PIR: variants seen among roughly 807,000 people sequenced by gnomAD.
PIR encodes pirin.
In PIR, 22 loss-of-function variants were observed where a neutral mutation model predicts 24.2. The ratio of observed to expected loss-of-function variants is 0.91; its 90% confidence interval spans 0.65 to 1.30. PIR has a LOEUF of 1.30. PIR is among the 50% of genes most tolerant of loss of function. The probability of loss-of-function intolerance (pLI) is 0.00; values close to 1 mark genes in which losing one functional copy is unlikely to be tolerated. For missense variants in PIR, 220 were observed against 220.3 expected (o/e 1.00, Z 0.01); for synonymous variants, 80 against 79.6 (o/e 1.00, Z -0.03).
chrX:15,409,590 T>C (rs1030828017), intron 6 of PIR, among the ~76,000 whole-genome samples: 1 of 111,356 alleles, frequency 9.0e-6, no homozygotes, highest in Non-Finnish European at 1.9e-5. Context: ...TCCCATGTCT[T>C]ATCTGGATGG....
intron 8 of PIR, among the ~76,000 whole-genome samples, chrX:15,396,083 G>T (rs1924124378): frequency 8.9e-6 from 1 of 112,272 alleles, no homozygotes; most frequent in African/African-American, 3.2e-5. Context: ...AGTTAAACCA[G>T]ATAATGTTAC....
At chrX:15,445,292 C>T (rs1926049902) in intron 5 of PIR, among the ~76,000 whole-genome samples, 1 of 111,440 alleles carries the variant, frequency 9.0e-6, no homozygotes, top group Admixed American at 9.5e-5. Flanking sequence ...TTATGACCAT[C>T]ATGGTTTCCT....
At chrX:15,411,387 TC>T in intron 6 of PIR, among the ~76,000 whole-genome samples, 1 of 111,864 alleles carries the variant, frequency 8.9e-6, no homozygotes, top group South Asian at 3.8e-4. Context: ...CTTGCAAACG[TC>T]CCTAGTGAGA....
At chrX:15,434,523 A>G (rs1925684462) in intron 5 of PIR, among the ~76,000 whole-genome samples, 1 of 110,530 alleles carries the variant, frequency 9.0e-6, no homozygotes, top group Non-Finnish European at 1.9e-5. Context: ...GCCACATGGA[A>G]GTCAGTGGTG....
rs756384418 is a variant in PIR, at chrX:15,397,508, T to C, written c.634A>G (p.Ile212Val). 34 of 1,204,193 alleles carry C rather than the reference T, an allele frequency of 2.8e-5. No homozygotes were observed. The highest frequency in any genetic ancestry group is 3.5e-5 in the Non-Finnish European group (31 of 889,719). The change falls in exon 8 of 10, where the codon ATA (isoleucine) becomes GTA (valine). Residue 212 changes from isoleucine to valine, a missense_variant. By Grantham distance (29) the Ile-to-Val change is conservative (BLOSUM62 3). Transcript: ENST00000380420. Reference protein sequence around the residue: ...YIGPDDAQQKIEPHHTAVLGE... With the variant: ...YIGPDDAQQKVEPHHTAVLGE... ...AGCACTGCTGTGTGATGAGGTTCTA[T>C]TTTTTGTTGTGCATCATCGGGCCCT...
chrX:15,410,090 A>C (rs1309023564), intron 6 of PIR, among the ~76,000 whole-genome samples: 1 of 110,671 alleles, frequency 9.0e-6, no homozygotes, highest in Non-Finnish European at 1.9e-5. Flanking sequence ...GTCTCTACTA[A>C]GAATACAAAA....
intron 7 of PIR, among the ~76,000 whole-genome samples, chrX:15,403,689 T>C (rs1484114188): frequency 1.8e-5 from 2 of 111,791 alleles, no homozygotes; most frequent in African/African-American, 6.5e-5. Context: ...TCTCTCCCTC[T>C]ATTGCACACT....
At chrX:15,397,021 T>C (rs1416602094) in intron 8 of PIR, among the ~76,000 whole-genome samples, 1 of 112,473 alleles carries the variant, frequency 8.9e-6, no homozygotes, top group African/African-American at 3.2e-5. Flanking sequence ...ATTACAGGCG[T>C]GAGCCACCAC....
chrX:15,483,453 C>T (rs1292619899), intron 2 of PIR, among the ~76,000 whole-genome samples: 1 of 111,164 alleles, frequency 9.0e-6, no homozygotes, highest in Non-Finnish European at 1.9e-5. Flanking sequence ...CATTTTCTCT[C>T]ACTCTAACTC....
intron 8 of PIR, among the ~76,000 whole-genome samples, chrX:15,391,829 T>A (rs1923970307): frequency 9.0e-6 from 1 of 111,696 alleles, no homozygotes; most frequent in South Asian, 3.7e-4. Flanking sequence ...CGCAGCTCCA[T>A]CCCTAGACAC....
chrX:15,411,075 C>T (rs1924728195), intron 6 of PIR, among the ~76,000 whole-genome samples: 1 of 111,443 alleles, frequency 9.0e-6, no homozygotes, highest in Non-Finnish European at 1.9e-5. Context: ...TGATGTCATC[C>T]CCCAATTTTT....
At chrX:15,444,353 T>C (rs1418816185) in intron 5 of PIR, among the ~76,000 whole-genome samples, 1 of 112,653 alleles carries the variant, frequency 8.9e-6, no homozygotes, top group African/African-American at 3.2e-5. Context: ...TTAAGGCATG[T>C]ACTTTTTTAG....
intron 2 of PIR, among the ~76,000 whole-genome samples, chrX:15,483,605 G>C (rs191483291): frequency 4.8e-4 from 54 of 112,202 alleles, no homozygotes; most frequent in African/African-American, 1.7e-3. Context: ...TTTCCTTTCA[G>C]TCTTGTCATT....
chrX:15,394,839 G>A (rs1405197098), intron 8 of PIR, among the ~76,000 whole-genome samples: 1 of 112,168 alleles, frequency 8.9e-6, no homozygotes, highest in Non-Finnish European at 1.9e-5. Context: ...ACCTGGGGCA[G>A]AAAGAAGCTG....
At chrX:15,436,343 A>C (rs1490375536) in intron 5 of PIR, among the ~76,000 whole-genome samples, 1 of 112,200 alleles carries the variant, frequency 8.9e-6, no homozygotes, top group Non-Finnish European at 1.9e-5. Context: ...GAAGAGAATA[A>C]AGATGATGAC....
At chrX:15,461,872 G>A (rs1921320346) in intron 3 of PIR, among the ~76,000 whole-genome samples, 1 of 111,974 alleles carries the variant, frequency 8.9e-6, no homozygotes, top group Non-Finnish European at 1.9e-5. Context: ...CCACATTTTG[G>A]GTGCTCAAAA....
At chrX:15,396,833 C>T (rs758059526) in intron 8 of PIR, among the ~76,000 whole-genome samples, 1 of 110,552 alleles carries the variant, frequency 9.0e-6, no homozygotes, top group East Asian at 2.9e-4. Context: ...CTCCACCTCC[C>T]GGGTTCACGC....
intron 5 of PIR, among the ~76,000 whole-genome samples, chrX:15,445,887 T>G (rs1470298037): frequency 3.4e-5 from 3 of 89,444 alleles, no homozygotes; most frequent in African/African-American, 1.3e-4. Context: ...TGAAGTGCTG[T>G]GGCGCGATCT....
intron 8 of PIR, among the ~76,000 whole-genome samples, chrX:15,392,996 A>G (rs933489338): frequency 8.9e-6 from 1 of 112,362 alleles, no homozygotes; most frequent in Admixed American, 9.5e-5. Flanking sequence ...GTGTCAAATG[A>G]TGAAAATCAT....
Sources: allele counts gnomAD v4.1 joint callset (sites outside exome capture counted in the v4.1 genomes callset), GRCh38; gene constraint gnomAD v4.1.1; transcripts MANE v1.5; gene names NCBI Gene and HGNC (gene_info 2026-07-23, HGNC 2026-07-21).